The following MBP variants were observed in gnomAD, a reference collection of about 807,000 sequenced individuals.
MBP encodes myelin basic protein, also known as Golli-MBP.
A neutral mutation model predicts 35.8 loss-of-function variants in MBP; 16 were observed. The ratio of observed to expected loss-of-function variants is 0.45; its 90% CI spans 0.30 to 0.68. MBP has a LOEUF of 0.68. Among genes scored for constraint, MBP ranks in the 30% least tolerant of loss-of-function variants. MBP has a pLI of 0.08. For missense variants in MBP, 380 were observed against 404.7 expected (o/e 0.94, Z 0.52); for synonymous variants, 143 against 159.6 (o/e 0.90, Z 0.78).
At chr18:77,056,132 C>G (rs560675875) in intron 3 of MBP, among the ~76,000 whole-genome samples, 1 of 149,838 alleles carries the variant, frequency 6.7e-6, no homozygotes, top group Non-Finnish European at 1.5e-5. Flanking sequence ...TATCCGTGAC[C>G]CCGTGCGCCC....
chr18:76,988,392 A>G lies in MBP; in HGVS notation c.750+103T>C, dbSNP rs1401931414. On this transcript the variant is annotated intron_variant, in intron 7 of 8. Coordinates refer to ENST00000355994, the MANE Select transcript of MBP (RefSeq NM_001025101.2). This position sits in a 1 kb window ranked among gnomAD's most constrained non-coding sequence, Gnocchi z 5.2. ...GCAGAGAGGTCTCGAGAGGAGAGAA[A>G]AGGAGGCCAGGAAGCAACCGAAACA... 1 of 1,613,932 alleles carries G rather than the reference A, an allele frequency of 6.2e-7. No homozygotes were observed. The highest frequency in any genetic ancestry group is 8.5e-7 in the Non-Finnish European group (1 of 1,179,860).
intron 4 of MBP, among the ~76,000 whole-genome samples, chr18:77,001,993 A>G (rs1187756015): frequency 6.6e-6 from 1 of 152,232 alleles, no homozygotes; most frequent in African/African-American, 2.4e-5. Flanking sequence ...TTCAGATCAC[A>G]CATATTAACA....
rs11660979 is a variant in MBP, at chr18:76,999,320, C to G, written c.577-9260G>C. On this transcript the variant is annotated intron_variant, in intron 4 of 8. Transcript: ENST00000355994. ...GGGCCTGGGCCAGCCTCGCAACCTCCGCTTCCCCCGTCAACCCCATCAGAA... is the reference window on the plus strand; with the variant it reads ...GGGCCTGGGCCAGCCTCGCAACCTCGGCTTCCCCCGTCAACCCCATCAGAA... Among the ~76,000 whole-genome samples the G allele has an allele frequency of 1.4e-4, 21 of 152,220 alleles. 2 individuals carry two copies. The highest frequency in any genetic ancestry group is 3.4e-3 in the Middle Eastern group (1 of 294).
chr18:77,023,327 A>ATT (rs1158735900), intron 3 of MBP, among the ~76,000 whole-genome samples: 1 of 152,118 alleles, frequency 6.6e-6, no homozygotes. Context: ...ACGTGGCCTC[A>ATT]TTTTTACAGT....
chr18:77,018,748 TCATCCATCCATC>T (rs141460752), intron 3 of MBP, among the ~76,000 whole-genome samples: 14 of 95,664 alleles, frequency 1.5e-4, no homozygotes, highest in East Asian at 6.6e-4. Flanking sequence ...ATCTATCCAC[TCATCCATCCATC>T]CATCCATCCA....
chr18:77,042,252 G>A (rs886406717), intron 3 of MBP, among the ~76,000 whole-genome samples: 1 of 152,164 alleles, frequency 6.6e-6, no homozygotes. Context: ...AAAGGCACGT[G>A]TTCTGAAAAC....
chr18:76,992,140 C>T (rs915100672), intron 4 of MBP, among the ~76,000 whole-genome samples: 2 of 152,246 alleles, frequency 1.3e-5, no homozygotes, highest in Non-Finnish European at 2.9e-5. Flanking sequence ...ACTCGATCCT[C>T]TTCAAAGCAG....
chr18:77,101,070 G>A lies in MBP; in HGVS notation c.51+4141C>T, dbSNP rs1430735693. Among the ~76,000 whole-genome samples the A allele has an allele frequency of 1.3e-5, 2 of 152,208 alleles. No homozygotes were observed. Among genetic ancestry groups the A allele is most frequent in the Non-Finnish European group, 2.9e-5 (2 of 68,030 alleles). The stretch of plus-strand genomic sequence containing the variant: ...CCCCTTTGATTCACACTGCCAAAAA[G>A]GAATGAATTCCTCCAGTAGCCAGTG... On this transcript the variant is annotated intron_variant, in intron 2 of 8. Transcript: ENST00000355994. This position sits in a 1 kb window ranked among gnomAD's most constrained non-coding sequence, Gnocchi z 4.3.
chr18:77,105,514 T>C (rs895707855), intron 1 of MBP, among the ~76,000 whole-genome samples: 2 of 152,244 alleles, frequency 1.3e-5, no homozygotes, highest in Non-Finnish European at 2.9e-5. Flanking sequence ...AACATCCAAA[T>C]TCTGTTCAGT....
At chr18:77,078,276 T>C (rs1397618312) in intron 2 of MBP, among the ~76,000 whole-genome samples, 1 of 152,214 alleles carries the variant, frequency 6.6e-6, no homozygotes, top group East Asian at 1.9e-4. Context: ...GGCTGAAAGC[T>C]GCTTTTTGTC....
intron 1 of MBP, among the ~76,000 whole-genome samples, chr18:77,130,251 G>A (rs1667905): frequency 0.16 from 24,320 of 151,864 alleles, 2,046 homozygotes; most frequent in South Asian, 0.21. Flanking sequence ...AAGGAGGAAC[G>A]AGGAGCACCT....
intron 3 of MBP, among the ~76,000 whole-genome samples, chr18:77,043,125 G>C (rs1349760559): frequency 2.0e-5 from 3 of 152,110 alleles, no homozygotes; most frequent in African/African-American, 7.2e-5. Flanking sequence ...ATATTTTATA[G>C]GGCCTATCAG....
intron 2 of MBP, among the ~76,000 whole-genome samples, chr18:77,081,462 G>A (rs190731359): frequency 2.6e-5 from 4 of 152,206 alleles, no homozygotes; most frequent in East Asian, 1.9e-4. Context: ...AATGCTCAAC[G>A]TTATTACGCA....
chr18:77,119,314 C>T (rs1324555337), intron 1 of MBP, among the ~76,000 whole-genome samples: 1 of 152,140 alleles, frequency 6.6e-6, no homozygotes, highest in Non-Finnish European at 1.5e-5. Flanking sequence ...CACGTGTACT[C>T]CATCACCACC....
intron 2 of MBP, among the ~76,000 whole-genome samples, chr18:77,095,900 G>A (rs1259940725): frequency 6.6e-6 from 1 of 152,234 alleles, no homozygotes; most frequent in African/African-American, 2.4e-5. Flanking sequence ...ACCTCCGTCA[G>A]CAAAAACAAA....
At position 77,014,012 on chromosome 18, in the gene MBP, G is replaced by A. The variant is rs539025482; in HGVS notation, c.576+2820C>T. ...AAGCACACGACAATCTTGGCCCTAA[G>A]TGCTCACCCATTCCTCATGTGACCC... On this transcript the variant is annotated intron_variant, in intron 4 of 8. Coordinates refer to ENST00000355994, the MANE Select transcript of MBP (RefSeq NM_001025101.2). 2.2e-5 allele frequency: 22 copies of A among 985,450 alleles called. No individual in the cohort carries two copies. The East Asian group carries it at 1.5e-3, about 66-fold the overall frequency. The allele number at this position is 985,450 out of a possible 1,614,324, so 61.0% of individuals were successfully genotyped here.
chr18:77,012,299 C>A (rs183372322), intron 4 of MBP, among the ~76,000 whole-genome samples: 55 of 152,326 alleles, frequency 3.6e-4, no homozygotes, highest in African/African-American at 1.3e-3. Flanking sequence ...TGGGCACTGG[C>A]ACCCATGTGC....
intron 2 of MBP, among the ~76,000 whole-genome samples, chr18:77,073,685 G>A (rs1187682817): frequency 6.6e-6 from 1 of 152,150 alleles, no homozygotes; most frequent in African/African-American, 2.4e-5. Flanking sequence ...TAAACATCCT[G>A]GAAAAAATAG....
At chr18:77,078,261 C>T (rs79727135) in intron 2 of MBP, among the ~76,000 whole-genome samples, 10,416 of 152,266 alleles carry the variant, frequency 0.068, 445 homozygotes, top group Middle Eastern at 0.092. Flanking sequence ...CGGCATCTTC[C>T]GAGGGGCTGA....
Sources: gnomAD v4.1 joint callset for allele counts (sites outside exome capture counted in the v4.1 genomes callset) on GRCh38, gnomAD v4.1.1 for gene constraint, Gnocchi (gnomAD v3.1) non-coding constraint, MANE v1.5 for transcripts, NCBI Gene and HGNC (gene_info 2026-07-23, HGNC 2026-07-21) for gene names.